Variants in BOP1 observed in about 807,000 individuals in gnomAD.
BOP1 encodes ribosome biogenesis protein BOP1.
In BOP1, 54 loss-of-function variants were observed where a neutral mutation model predicts 82.9. The observed-to-expected ratio is 0.65, with a 90% CI of 0.52 to 0.82. The LOEUF is 0.82. Ranked by LOEUF, BOP1 falls within the 40% of genes least tolerant of loss-of-function variation. BOP1 has a pLI of 0.00. For missense variants in BOP1, 1,170 were observed against 1,072.0 expected, an observed-to-expected ratio of 1.09 and a Z score of -1.28; for synonymous variants, 566 against 451.1, an observed-to-expected ratio of 1.25 and a Z score of -3.23.
intron 3 of BOP1, among the ~76,000 whole-genome samples, chr8:144,273,315 GA>G (rs1845522061): frequency 6.6e-6 from 1 of 152,208 alleles, no homozygotes; most frequent in African/African-American, 2.4e-5. Flanking sequence ...ATCCCTGCGG[GA>G]ACCTGACTCA....
intron 3 of BOP1, chr8:144,266,596 C>G (rs1845371801): frequency 1.8e-6 from 2 of 1,106,732 alleles, no homozygotes; most frequent in Non-Finnish European, 2.2e-6. Context: ...GAGCTGACGC[C>G]GCGCCCCCGC....
intron 3 of BOP1, among the ~76,000 whole-genome samples, chr8:144,274,900 A>C (rs1271824185): frequency 6.6e-5 from 10 of 152,076 alleles, no homozygotes; most frequent in African/African-American, 2.4e-4. Context: ...GGCTGCCGAC[A>C]GCCAGAGCCC....
Position 144,263,843 on chromosome 8 carries a change from C to T in BOP1, c.1209G>A (p.Thr403=), listed in dbSNP as rs1003466466. The change falls in exon 9 of 16, where the codon ACG becomes ACA. Residue 403 remains threonine, a synonymous_variant. Transcript: ENST00000569669. ...AGTCTCCACTTACCAGGGCCTGGCA[C>T]GTGGGGAAGGGCTGCAGGTCCCTCG... ...PRPRDLQPFP[T]CQALVYRGHS... The T allele has an allele frequency of 3.7e-5, 60 of 1,611,182 alleles. No homozygotes were observed. The East Asian group carries it at 5.8e-4, about 16-fold the overall frequency.
At position 144,291,389 on chromosome 8, in the gene BOP1, C is replaced by A. The variant is rs1484017121; in HGVS notation, c.-19G>T. On this transcript the variant is annotated 5_prime_UTR_variant, in exon 1 of 16. Transcript: ENST00000569669. The surrounding 1 kb of genome is among the most constrained non-coding windows in gnomAD (Gnocchi z 4.1). ...CCGCCATGCCCCACCGCGCGCCGGCCGCCACCCGCACAGCCGCTTCCGACA... is the reference window on the plus strand; with the variant it reads ...CCGCCATGCCCCACCGCGCGCCGGCAGCCACCCGCACAGCCGCTTCCGACA... 4 of 1,178,964 alleles carry A rather than the reference C, an allele frequency of 3.4e-6. No individual in the cohort carries two copies. The highest frequency in any genetic ancestry group is 9.4e-5 in the Admixed American group (2 of 21,246). 73.0% of individuals were successfully genotyped at this position (1,178,964 alleles called of 1,614,324 possible).
intron 2 of BOP1, among the ~76,000 whole-genome samples, chr8:144,285,514 AC>A (rs781924361): frequency 6.6e-6 from 1 of 152,164 alleles, no homozygotes; most frequent in Non-Finnish European, 1.5e-5. Context: ...GGCAGACATT[AC>A]CCTCACTTAC....
In BOP1 at chr8:144,263,769, G is replaced by A; in HGVS notation, c.1222-8C>T. The stretch of plus-strand genomic sequence containing the variant: ...ACTGTGGCCCCTGTAGACCTGAGGA[G>A]GCGGCGGCAGTGAGGAGTCAGACTG... On this transcript the variant is annotated splice_polypyrimidine_tract_variant and splice_region_variant and intron_variant, in intron 9 of 15. Coordinates refer to ENST00000569669, the MANE Select transcript of BOP1 (RefSeq NM_015201.5). 2 of 1,555,310 alleles carry A rather than the reference G, an allele frequency of 1.3e-6. No homozygotes were observed. The highest frequency in any genetic ancestry group is 2.3e-5 in the South Asian group (2 of 87,852).
Position 144,264,086 on chromosome 8 carries a change from G to C in BOP1, c.1035C>G (p.Arg345=). 8.7e-6 allele frequency: 14 copies of C among 1,610,384 alleles called. No homozygotes were observed. Among genetic ancestry groups the C allele is most frequent in the Non-Finnish European group, 1.2e-5 (14 of 1,179,486 alleles). Residue 345 remains arginine, a synonymous_variant, in exon 8 of 16, where the codon CGC becomes CGG. Transcript: ENST00000569669. ...GCACGGCCCGCAGGCTCGGGAACTT[G>C]CGTGGCAAAAAGCTCAGCTTCCTCT... is the stretch of plus-strand genomic sequence containing the variant. ...PGERKLSFLP[R]KFPSLRAVPA...
At chr8:144,290,646 C>A (rs1214610527) in intron 1 of BOP1, among the ~76,000 whole-genome samples, 12 of 152,210 alleles carry the variant, frequency 7.9e-5, no homozygotes, top group Non-Finnish European at 2.9e-5. Context: ...CAGAACCTGG[C>A]GCCTAGAGTG....
At position 144,265,488 on chromosome 8, in the gene BOP1, A is replaced by C. The variant is rs1173033043; in HGVS notation, c.391-417T>G. 3.5e-5 allele frequency: 8 copies of C among 228,956 alleles called. No homozygotes were observed. In the East Asian group the frequency reaches 7.8e-4, roughly 22 times the overall value. The allele number at this position is 228,956 out of a possible 1,614,324, so 14.2% of individuals were successfully genotyped here. On this transcript the variant is annotated intron_variant, in intron 3 of 15. Transcript: ENST00000569669. The stretch of plus-strand genomic sequence containing the variant: ...GGGAAGACCCCAACTGACCCATTCC[A>C]CAGAGAGGCAGAAGCCAAGACCTCT...
intron 2 of BOP1, among the ~76,000 whole-genome samples, chr8:144,280,039 G>T (rs1324052883): frequency 6.6e-6 from 1 of 152,196 alleles, no homozygotes; most frequent in South Asian, 2.1e-4. Flanking sequence ...TACTCAGGGT[G>T]TACTGACCCT....
Position 144,289,295 on chromosome 8 carries a change from G to T in BOP1, c.109C>A (p.Leu37Ile). The change falls in exon 2 of 16, where the codon CTC becomes ATC. Residue 37 changes from leucine (L) to isoleucine (I), a missense_variant. By Grantham distance (5) the Leu-to-Ile change is conservative (BLOSUM62 2). Transcript: ENST00000569669. ...EPEPEPEPPL[L>I]CTSPLSHSTG... ...CTGTGGCTGAGAGGAGAGGTGCAGAGGAGGGGGGGCTGCAAGGAAACACTG... is the reference window on the plus strand; with the variant it reads ...CTGTGGCTGAGAGGAGAGGTGCAGATGAGGGGGGGCTGCAAGGAAACACTG... 1 of 1,613,860 alleles carries T rather than the reference G, an allele frequency of 6.2e-7. No individual in the cohort carries two copies. The highest frequency in any genetic ancestry group is 8.5e-7 in the Non-Finnish European group (1 of 1,179,940).
chr8:144,274,907 G>A (rs1203853713), intron 3 of BOP1, among the ~76,000 whole-genome samples: 1 of 152,254 alleles, frequency 6.6e-6, no homozygotes, highest in East Asian at 1.9e-4. Flanking sequence ...GACAGCCAGA[G>A]CCCCTGGGAG....
Position 144,263,761 on chromosome 8 carries a change from C to T in BOP1, c.1222G>A (p.Val408Ile). Residue 408 changes from valine (V) to isoleucine (I), a missense_variant and splice_region_variant, in exon 10 of 16, where the codon GTC becomes ATC. Transcript: ENST00000569669. The stretch of plus-strand genomic sequence containing the variant: ...ACAAGGTCACTGTGGCCCCTGTAGA[C>T]CTGAGGAGGCGGCGGCAGTGAGGAG... ...LQPFPTCQAL[V>I]YRGHSDLVRC... The T allele has an allele frequency of 1.3e-6, 2 of 1,582,862 alleles. No individual in the cohort carries two copies. The highest frequency in any genetic ancestry group is 1.1e-5 in the South Asian group (1 of 87,796).
chr8:144,282,598 G>A (rs1240291237), intron 2 of BOP1, among the ~76,000 whole-genome samples: 1 of 152,174 alleles, frequency 6.6e-6, no homozygotes, highest in East Asian at 1.9e-4. Context: ...CTGGCCCCAA[G>A]GAGGCTACTA....
chr8:144,291,019 G>A lies in BOP1; in HGVS notation c.99+253C>T, dbSNP rs1211043381. On this transcript the variant is annotated intron_variant, in intron 1 of 15. Transcript: ENST00000569669. The surrounding 1 kb of genome is among the most constrained non-coding windows in gnomAD (Gnocchi z 4.1). Reference sequence around the variant, plus strand: ...GCAGGATGCACAAATGGAACGGCTGGAGAGGCTGCTGCAAGGGGCGCCCCG... The same window carrying A: ...GCAGGATGCACAAATGGAACGGCTGAAGAGGCTGCTGCAAGGGGCGCCCCG... Among the ~76,000 whole-genome samples, 1 of 152,238 alleles carries A rather than the reference G, an allele frequency of 6.6e-6. No individual in the cohort carries two copies. Among genetic ancestry groups the A allele is most frequent in the Non-Finnish European group, 1.5e-5 (1 of 68,034 alleles).
At position 144,289,245 on chromosome 8, in the gene BOP1, G is replaced by T. The variant is rs113196309; in HGVS notation, c.159C>A (p.Ser53=). ...CTGAGAACACACTTTCCTCGCTGTC[G>T]GAGACGCCAGAATCGCTGCCGGTGC... ...SHSTGSDSGV[S]DSEESVFSGL... is the part of the protein sequence containing the mutation. Residue 53 remains serine, a synonymous_variant, in exon 2 of 16, where the codon TCC becomes TCA. Coordinates refer to ENST00000569669, the MANE Select transcript of BOP1 (RefSeq NM_015201.5). 1 of 1,614,014 alleles carries T rather than the reference G, an allele frequency of 6.2e-7. No homozygotes were observed. Among genetic ancestry groups the T allele is most frequent in the Non-Finnish European group, 8.5e-7 (1 of 1,179,934 alleles).
chr8:144,264,851 C>A lies in BOP1; in HGVS notation c.546-20G>T. The A allele has an allele frequency of 6.2e-7, 1 of 1,608,494 alleles. No homozygotes were observed. The highest frequency in any genetic ancestry group is 1.7e-5 in the Admixed American group (1 of 59,910). On this transcript the variant is annotated intron_variant, in intron 4 of 15. Transcript: ENST00000569669. ...GTGCGCCTGGAGACCGCCAGTCAGA[C>A]CCCGCCAGCCCTGCCCCACCCCTCG...
In BOP1 at chr8:144,288,953, G is replaced by A. The variant is rs782027189; in HGVS notation, c.309+142C>T. ...GAAACCAGCGTCCTAGAGCCCAAGC[G>A]TGCCCCAGGTGCAGTGAAGGAGGGA... On this transcript the variant is annotated intron_variant, in intron 2 of 15. Transcript: ENST00000569669. The A allele has an allele frequency of 8.5e-6, 7 of 821,844 alleles. No homozygotes were observed. In the East Asian group the frequency reaches 1.0e-4, roughly 12 times the overall value. The allele number at this position is 821,844 out of a possible 1,614,324, so 50.9% of individuals were successfully genotyped here. A position where few individuals can be genotyped will look rare whatever the true frequency, so the allele number is the denominator to read the frequency against.
At chr8:144,269,656 C>T (rs905873935) in intron 3 of BOP1, among the ~76,000 whole-genome samples, 4 of 152,222 alleles carry the variant, frequency 2.6e-5, no homozygotes, top group Admixed American at 6.5e-5. Context: ...TTTCCTCTCC[C>T]TAATCCTGCA....
Sources: gnomAD v4.1 joint callset for allele counts (sites outside exome capture counted in the v4.1 genomes callset) on GRCh38, gnomAD v4.1.1 for gene constraint, Gnocchi (gnomAD v3.1) non-coding constraint, MANE v1.5 for transcripts, NCBI Gene and HGNC (gene_info 2026-07-23, HGNC 2026-07-21) for gene names.